SHANK2: variants seen among roughly 807,000 people sequenced by gnomAD.
The protein encoded by SHANK2 is SH3 and multiple ankyrin repeat domains protein 2.
A neutral mutation model predicts 133.7 loss-of-function variants in SHANK2; 43 were observed. The observed-to-expected ratio is 0.32, with a 90% CI of 0.25 to 0.41. The LOEUF is 0.41. Among genes scored for constraint, SHANK2 ranks in the 10% least tolerant of loss-of-function variants. SHANK2 has a pLI of 1.00. For missense variants in SHANK2, 1,994 were observed against 2,235.8 expected (o/e 0.89, Z 2.18); for synonymous variants, 1,017 against 952.8 (o/e 1.07, Z -1.24).
chr11:70,867,967 T>C (rs1949395624), intron 11 of SHANK2, among the ~76,000 whole-genome samples: 1 of 152,208 alleles, frequency 6.6e-6, no homozygotes, highest in Non-Finnish European at 1.5e-5. Flanking sequence ...TGCCTCCCTC[T>C]AAATTGATCA....
intron 17 of SHANK2, among the ~76,000 whole-genome samples, chr11:70,581,895 A>T (rs1245522422): frequency 6.6e-6 from 1 of 152,188 alleles, no homozygotes; most frequent in Non-Finnish European, 1.5e-5. Context: ...ACTATGATTT[A>T]ATGTCCTGTA....
chr11:70,866,019 TG>T (rs1341872818), intron 11 of SHANK2, among the ~76,000 whole-genome samples: 1 of 152,110 alleles, frequency 6.6e-6, no homozygotes, highest in Non-Finnish European at 1.5e-5. Context: ...AGTTTCTTAG[TG>T]GGGGGCTGCC....
At chr11:71,239,200 C>G (rs1165358000) in intron 1 of SHANK2, among the ~76,000 whole-genome samples, 2 of 152,222 alleles carry the variant, frequency 1.3e-5, no homozygotes, top group Non-Finnish European at 2.9e-5. Flanking sequence ...ACGCAACATG[C>G]TACATGGGCT....
At chr11:70,897,972 CT>C (rs1367146082) in intron 10 of SHANK2, among the ~76,000 whole-genome samples, 15 of 116,528 alleles carry the variant, frequency 1.3e-4, no homozygotes, top group African/African-American at 1.3e-4. Flanking sequence ...TTTTTTTTTT[CT>C]TTTTTTTTTG....
chr11:70,615,220 C>A (rs1554995550), intron 17 of SHANK2, among the ~76,000 whole-genome samples: 2 of 152,126 alleles, frequency 1.3e-5, no homozygotes, highest in African/African-American at 4.8e-5. Flanking sequence ...TGCCTATACA[C>A]CTCTGCCTAA....
At chr11:71,176,679 T>C (rs1431222611) in intron 2 of SHANK2, among the ~76,000 whole-genome samples, 1 of 151,752 alleles carries the variant, frequency 6.6e-6, no homozygotes, top group Admixed American at 6.6e-5. Flanking sequence ...AAAATAATAA[T>C]AACACCAACA....
At chr11:71,117,290 G>A (rs1951996294) in intron 4 of SHANK2, among the ~76,000 whole-genome samples, 1 of 152,302 alleles carries the variant, frequency 6.6e-6, no homozygotes, top group South Asian at 2.1e-4. Context: ...AAAGTGCTGG[G>A]ATTACAGGCA....
chr11:71,126,735 T>C (rs1555102763), intron 3 of SHANK2, among the ~76,000 whole-genome samples: 1 of 151,050 alleles, frequency 6.6e-6, no homozygotes. Context: ...CTTTTTTTTT[T>C]TTTTTTTTTG....
chr11:71,094,889 G>A (rs964772271), intron 6 of SHANK2, among the ~76,000 whole-genome samples: 12 of 152,346 alleles, frequency 7.9e-5, no homozygotes, highest in Admixed American at 2.0e-4. Flanking sequence ...GCAGTGACAC[G>A]CAGGGCCACG....
At chr11:70,668,102 T>C (rs1481341732) in intron 15 of SHANK2, 1 of 152,098 alleles carries the variant, frequency 6.6e-6, no homozygotes, top group Non-Finnish European at 1.5e-5. Flanking sequence ...GTCTGGTCCT[T>C]ATAGAGTTGT....
intron 11 of SHANK2, among the ~76,000 whole-genome samples, chr11:70,850,426 T>C (rs1224774668): frequency 6.6e-6 from 1 of 152,170 alleles, no homozygotes; most frequent in East Asian, 1.9e-4. Context: ...ATGCTCATAC[T>C]CACTGGGGGC....
At chr11:70,650,380 G>A (rs1555009806) in intron 17 of SHANK2, among the ~76,000 whole-genome samples, 2 of 152,196 alleles carry the variant, frequency 1.3e-5, no homozygotes, top group African/African-American at 4.8e-5. Flanking sequence ...GAGGGGACAT[G>A]CTGAGGGCTT....
intron 17 of SHANK2, among the ~76,000 whole-genome samples, chr11:70,593,001 C>T (rs1554988437): frequency 6.6e-6 from 1 of 152,198 alleles, no homozygotes; most frequent in Admixed American, 6.5e-5. Context: ...AGGGAGCCTG[C>T]AGCTATCGGA....
chr11:70,875,524 A>AAACAACAACAACAAC (rs71049946), intron 11 of SHANK2, among the ~76,000 whole-genome samples: 138 of 146,566 alleles, frequency 9.4e-4, no homozygotes, highest in Admixed American at 1.7e-3. Context: ...ACTCCGTCTC[A>AAACAACAACAACAAC]AACAACAACA....
At chr11:70,644,464 G>T (rs547702656) in intron 17 of SHANK2, among the ~76,000 whole-genome samples, 1 of 152,300 alleles carries the variant, frequency 6.6e-6, no homozygotes, top group East Asian at 1.9e-4. Context: ...GCCACTCCTG[G>T]CATCTGTCCA....
chr11:70,845,914 T>C (rs1240019853), intron 11 of SHANK2, among the ~76,000 whole-genome samples: 2 of 152,066 alleles, frequency 1.3e-5, no homozygotes, highest in African/African-American at 2.4e-5. Context: ...AGCAACGCAC[T>C]GGGGGCAGGA....
chr11:71,189,681 C>T (rs190786312), intron 2 of SHANK2, among the ~76,000 whole-genome samples: 17 of 152,368 alleles, frequency 1.1e-4, no homozygotes, highest in Admixed American at 3.9e-4. Flanking sequence ...CGTGAGCCAC[C>T]GTGCCTGGCC....
rs71473817 is a variant in SHANK2 at position 71,215,025 on chromosome 11, A to G, written c.-13+9672T>C. On this transcript the variant is annotated intron_variant, in intron 2 of 25. Coordinates refer to ENST00000601538, the MANE Select transcript of SHANK2 (RefSeq NM_012309.5). ...TACACAGAGGAGCTGGCTGTGCTGC[A>G]GGTACATGGGGCTTTCCCTTCAGCG... 4.4e-3 allele frequency among the ~76,000 whole-genome samples: 671 copies of G among 152,310 alleles called. 1 individual carries two copies. Among genetic ancestry groups the G allele is most frequent in the Non-Finnish European group, 7.7e-3 (522 of 68,020 alleles).
rs979571144 is a variant in SHANK2 at position 71,073,895 on chromosome 11, A to G, written c.1029+1264T>C. 1.9e-4 allele frequency among the ~76,000 whole-genome samples: 29 copies of G among 152,254 alleles called. 1 individual carries two copies. The highest frequency in any genetic ancestry group is 6.7e-4 in the African/African-American group (28 of 41,560). On this transcript the variant is annotated intron_variant, in intron 9 of 25. Transcript: ENST00000601538. ...ATCTGCCCCTCTCCATGTTCCATAT[A>G]GAGACCTGCTGACGGGGTAGATGGC...
Sources: allele counts gnomAD v4.1 joint callset (sites outside exome capture counted in the v4.1 genomes callset), GRCh38; gene constraint gnomAD v4.1.1; transcripts MANE v1.5; gene names NCBI Gene and HGNC (gene_info 2026-07-23, HGNC 2026-07-21).